Variants in CHAF1A observed in about 807,000 individuals in gnomAD.
CHAF1A encodes chromatin assembly factor 1 subunit A.
CHAF1A carries 5 observed loss-of-function variants against 93.2 expected under a neutral mutation model. The observed-to-expected ratio is 0.05, with a 90% CI of 0.03 to 0.11. CHAF1A has a LOEUF of 0.11. Among genes scored for constraint, CHAF1A ranks in the 10% least tolerant of loss-of-function variants. The pLI is 1.00. For missense variants in CHAF1A, 1,102 were observed against 1,259.9 expected, an observed-to-expected ratio of 0.87 and a Z score of 1.90; for synonymous variants, 504 against 510.3, an observed-to-expected ratio of 0.99 and a Z score of 0.17.
downstream of CHAF1A, chr19:4,445,088 C>T (rs972291337): frequency 1.0e-4 from 19 of 188,402 alleles, no homozygotes; most frequent in Non-Finnish European, 2.0e-4. Flanking sequence ...CCCCTCCTGC[C>T]GTTGTCACCC....
chr19:4,436,989 G>C (rs1279686182), intron 13 of CHAF1A, among the ~76,000 whole-genome samples: 1 of 152,196 alleles, frequency 6.6e-6, no homozygotes, highest in African/African-American at 2.4e-5. Context: ...AACTAGAGTG[G>C]GTCAGAGAGG....
chr19:4,420,730 C>T (rs1054078106), intron 4 of CHAF1A, among the ~76,000 whole-genome samples: 1 of 152,106 alleles, frequency 6.6e-6, no homozygotes, highest in African/African-American at 2.4e-5. Context: ...TTCTTGAGCC[C>T]AGGAGTTTGA....
chr19:4,446,127 C>A (rs1381806594), downstream of CHAF1A: 1 of 1,612,476 alleles, frequency 6.2e-7, no homozygotes, highest in South Asian at 1.1e-5. Flanking sequence ...CAAAAGGCAG[C>A]CAGTCGCTCT....
At chr19:4,445,952 G>A (rs533707283), downstream of CHAF1A, 19 of 1,498,914 alleles carry the variant, frequency 1.3e-5, no homozygotes, top group African/African-American at 1.1e-4. Context: ...CCCCTGCTCT[G>A]AGAACAAGGA....
downstream of CHAF1A, chr19:4,446,924 G>C: frequency 6.2e-7 from 1 of 1,613,664 alleles, no homozygotes; most frequent in Non-Finnish European, 8.5e-7. Flanking sequence ...TGCGCTCCTG[G>C]GGGTGGAGAT....
chr19:4,418,321 G>C (rs1973930248), intron 4 of CHAF1A, among the ~76,000 whole-genome samples: 1 of 151,560 alleles, frequency 6.6e-6, no homozygotes, highest in South Asian at 2.1e-4. Flanking sequence ...TTTATCAATA[G>C]TGCTACCACT....
intron 13 of CHAF1A, among the ~76,000 whole-genome samples, chr19:4,438,330 T>A (rs1974324379): frequency 6.6e-6 from 1 of 151,864 alleles, no homozygotes; most frequent in Admixed American, 6.6e-5. Flanking sequence ...CCCAGCTTCA[T>A]CCATGTTCAT....
At chr19:4,431,895 T>C (rs533744519) in intron 11 of CHAF1A, 57 bp from the exon 12 acceptor site, 1 of 1,540,988 alleles carries the variant, frequency 6.5e-7, no homozygotes, top group East Asian at 2.3e-5. Context: ...CTCAAAAGAG[T>C]GCCCGGGCAT....
At chr19:4,436,145 AAAAAAAG>A (rs966348258) in intron 13 of CHAF1A, among the ~76,000 whole-genome samples, 3 of 149,890 alleles carry the variant, frequency 2.0e-5, no homozygotes, top group African/African-American at 7.6e-5. Context: ...GTCCCCCAAA[AAAAAAAG>A]AAAAGAAAAG....
chr19:4,437,915 A>AT (rs575534439), intron 13 of CHAF1A, among the ~76,000 whole-genome samples: 1 of 151,366 alleles, frequency 6.6e-6, no homozygotes, highest in Non-Finnish European at 1.5e-5. Context: ...AATTTTTTGT[A>AT]TTTTTTTAGT....
intron 10 of CHAF1A, 135 bp downstream of exon 10, chr19:4,429,923 A>G (rs1262644739): frequency 2.7e-6 from 2 of 740,066 alleles, no homozygotes; most frequent in African/African-American, 3.5e-5. Flanking sequence ...GTGTGGTCTG[A>G]AACCTGAACG....
At chr19:4,413,591 G>A (rs75919104) in intron 3 of CHAF1A, among the ~76,000 whole-genome samples, 14 of 152,304 alleles carry the variant, frequency 9.2e-5, no homozygotes, top group Non-Finnish European at 1.8e-4. Flanking sequence ...CCTTGAGTTG[G>A]TACAGTGAAA....
intron 4 of CHAF1A, among the ~76,000 whole-genome samples, chr19:4,420,226 T>A (rs1461815961): frequency 2.0e-5 from 3 of 150,108 alleles, no homozygotes; most frequent in African/African-American, 7.4e-5. Flanking sequence ...CGGGCACCTG[T>A]GGAGCTGGGC....
chr19:4,424,957 A>G (rs530855816), intron 7 of CHAF1A, among the ~76,000 whole-genome samples: 23 of 152,078 alleles, frequency 1.5e-4, no homozygotes, highest in Non-Finnish European at 2.8e-4. Context: ...TTTTTTTTGT[A>G]GAGACTGGGT....
At chr19:4,424,559 G>C (rs1026360671) in intron 7 of CHAF1A, among the ~76,000 whole-genome samples, 16 of 152,212 alleles carry the variant, frequency 1.1e-4, no homozygotes, top group Admixed American at 1.3e-4. Flanking sequence ...GACCTCTCAG[G>C]GTCTGGTGAT....
downstream of CHAF1A, chr19:4,448,524 G>A: frequency 3.4e-6 from 3 of 878,084 alleles, no homozygotes; most frequent in African/African-American, 1.7e-5. Flanking sequence ...GCGGCTTGGA[G>A]CGGCCCCAGC....
intron 14 of CHAF1A, 126 bp downstream of exon 14, chr19:4,442,467 G>A: frequency 1.2e-6 from 1 of 808,320 alleles, no homozygotes. Context: ...CTTGCAGCTG[G>A]AAGTGGCTCC....
At chr19:4,444,869 T>C (rs1297486115), downstream of CHAF1A, 1 of 152,706 alleles carries the variant, frequency 6.5e-6, no homozygotes, top group South Asian at 2.1e-4. Flanking sequence ...CGGGCACTTG[T>C]GGCCAGGTGC....
Position 4,405,968 on chromosome 19 carries a change from T to G in CHAF1A, c.103+6T>G. ...AGTTAAGAAGTTAATACAAGGTAATTATTTGGAAATGGGTTAAAGAGTTGT... is the reference window on the plus strand; with the variant it reads ...AGTTAAGAAGTTAATACAAGGTAATGATTTGGAAATGGGTTAAAGAGTTGT... On this transcript the variant is annotated splice_donor_region_variant and intron_variant, in intron 2 of 14. Coordinates refer to ENST00000301280, the MANE Select transcript of CHAF1A (RefSeq NM_005483.3). 1 of 1,608,836 alleles carries G rather than the reference T, an allele frequency of 6.2e-7. No individual in the cohort carries two copies. Among genetic ancestry groups the G allele is most frequent in the Middle Eastern group, 1.7e-4 (1 of 6,056 alleles).
Sources: gnomAD v4.1 joint callset for allele counts (sites outside exome capture counted in the v4.1 genomes callset) on GRCh38, gnomAD v4.1.1 for gene constraint, MANE v1.5 for transcripts, NCBI Gene and HGNC (gene_info 2026-07-23, HGNC 2026-07-21) for gene names.